The following HHAT variants were observed in gnomAD, a reference collection of about 807,000 sequenced individuals.
The protein encoded by HHAT is protein-cysteine N-palmitoyltransferase HHAT.
In HHAT, 47 loss-of-function variants were observed where a neutral mutation model predicts 70.8. The observed-to-expected ratio is 0.66, with a 90% CI of 0.53 to 0.85. The LOEUF is 0.85. Among genes scored for constraint, HHAT ranks in the 40% least tolerant of loss-of-function variants. HHAT has a pLI of 0.00. For synonymous variants in HHAT, 228 were observed against 247.6 expected, an observed-to-expected ratio of 0.92 and a Z score of 0.74; for missense variants, 609 against 604.8, an observed-to-expected ratio of 1.01 and a Z score of -0.07.
chr1:210,555,011 G>A (rs2095559601), intron 9 of HHAT, among the ~76,000 whole-genome samples: 2 of 152,106 alleles, frequency 1.3e-5, no homozygotes, highest in African/African-American at 4.8e-5. Context: ...CTGTATATTG[G>A]GCCTCCCGTG....
intron 7 of HHAT, among the ~76,000 whole-genome samples, chr1:210,424,701 T>C (rs1332300166): frequency 1.3e-5 from 2 of 152,192 alleles, no homozygotes; most frequent in Non-Finnish European, 2.9e-5. Flanking sequence ...TATGGCTGCA[T>C]AGTATTCCAT....
At chr1:210,358,885 A>G (rs1299962729) in intron 2 of HHAT, among the ~76,000 whole-genome samples, 1 of 152,184 alleles carries the variant, frequency 6.6e-6, no homozygotes, top group African/African-American at 2.4e-5. Flanking sequence ...GTTTTAAGTA[A>G]ATGGTTTACC....
rs765208750 is a variant in HHAT at position 210,675,705 on chromosome 1, T to G, written c.*1326T>G. 6.6e-6 allele frequency: 1 copy of G among 152,172 alleles called. No individual in the cohort carries two copies. The highest frequency in any genetic ancestry group is 1.5e-5 in the Non-Finnish European group (1 of 68,062). 9.4% of individuals were successfully genotyped at this position (152,172 alleles called of 1,614,324 possible). ...CTCCTAGAGTACAGGACCATTTTGT[T>G]GATTGTCTTTCTTCATAGCTTCTCT... On this transcript the variant is annotated 3_prime_UTR_variant, in exon 12 of 12. Transcript: ENST00000261458.
chr1:210,566,442 G>A (rs367745366), intron 9 of HHAT, among the ~76,000 whole-genome samples: 3 of 152,030 alleles, frequency 2.0e-5, no homozygotes, highest in Admixed American at 2.0e-4. Flanking sequence ...ATGAGAACAG[G>A]CATTCTTGTT....
chr1:210,374,000 G>A (rs987221015), intron 3 of HHAT, among the ~76,000 whole-genome samples: 8 of 152,318 alleles, frequency 5.3e-5, no homozygotes, highest in African/African-American at 1.2e-4. Flanking sequence ...CTTTTATCAT[G>A]CAAGTATTCA....
intron 7 of HHAT, among the ~76,000 whole-genome samples, chr1:210,436,759 C>T (rs540069993): frequency 6.6e-6 from 1 of 151,908 alleles, no homozygotes; most frequent in African/African-American, 2.4e-5. Context: ...ATTTATATTC[C>T]TCCTGCCTCC....
intron 10 of HHAT, among the ~76,000 whole-genome samples, chr1:210,606,296 T>C (rs1665417809): frequency 6.6e-6 from 1 of 152,214 alleles, no homozygotes; most frequent in Non-Finnish European, 1.5e-5. Flanking sequence ...CACACCATGG[T>C]AAGTGTGGCT....
chr1:210,357,744 C>T (rs1424316351), intron 2 of HHAT, among the ~76,000 whole-genome samples: 2 of 152,084 alleles, frequency 1.3e-5, no homozygotes, highest in African/African-American at 2.4e-5. Flanking sequence ...GGCGTGAACC[C>T]GGGAGGTGGA....
At chr1:210,653,743 A>G (rs1374299152) in intron 11 of HHAT, among the ~76,000 whole-genome samples, 1 of 152,112 alleles carries the variant, frequency 6.6e-6, no homozygotes, top group Non-Finnish European at 1.5e-5. Flanking sequence ...GGTCAAAAAG[A>G]GATTAAATTT....
intron 8 of HHAT, among the ~76,000 whole-genome samples, chr1:210,494,322 G>A (rs142403714): frequency 1.4e-4 from 21 of 152,232 alleles, no homozygotes; most frequent in African/African-American, 4.6e-4. Context: ...GGAGGCTATT[G>A]AAGTGGAAGT....
rs537966975 is a variant in HHAT at position 210,615,787 on chromosome 1, T to C, written c.1246-7739T>C. ...AACAGCAAATGTTGCTGCCTGATCG[T>C]TCCTCTGGAGGTTTCGTCTCAGAGG... On this transcript the variant is annotated intron_variant, in intron 10 of 11. Coordinates refer to ENST00000261458, the MANE Select transcript of HHAT (RefSeq NM_018194.6). 3.9e-5 allele frequency among the ~76,000 whole-genome samples: 6 copies of C among 152,360 alleles called. No homozygotes were observed. The East Asian group carries it at 9.7e-4, about 25-fold the overall frequency.
At chr1:210,398,693 C>CA (rs1342937246) in intron 4 of HHAT, among the ~76,000 whole-genome samples, 1 of 152,106 alleles carries the variant, frequency 6.6e-6, no homozygotes. Flanking sequence ...CACACATGCA[C>CA]AAAAAAGAAT....
intron 9 of HHAT, among the ~76,000 whole-genome samples, chr1:210,524,883 G>A (rs902519279): frequency 4.6e-5 from 7 of 152,042 alleles, no homozygotes; most frequent in African/African-American, 1.7e-4. Flanking sequence ...CTTTCTGCTT[G>A]CCTGGTGTGT....
At chr1:210,615,814 G>T (rs1356314680) in intron 10 of HHAT, among the ~76,000 whole-genome samples, 1 of 152,210 alleles carries the variant, frequency 6.6e-6, no homozygotes, top group Non-Finnish European at 1.5e-5. Context: ...TCTCAGAGGG[G>T]TACCTGGCCG....
At chr1:210,424,835 A>G (rs1397193568) in intron 7 of HHAT, among the ~76,000 whole-genome samples, 1 of 152,160 alleles carries the variant, frequency 6.6e-6, no homozygotes, top group Non-Finnish European at 1.5e-5. Flanking sequence ...TTGTAACAGC[A>G]CTATTTATAT....
At chr1:210,328,894 G>A, upstream of HHAT, 5 of 703,482 alleles carry the variant, frequency 7.1e-6, no homozygotes, top group Non-Finnish European at 9.9e-6. Flanking sequence ...CGGGCGCGGA[G>A]GGCGCGCGGG....
At chr1:210,546,995 G>T (rs2095489514) in intron 9 of HHAT, among the ~76,000 whole-genome samples, 1 of 152,130 alleles carries the variant, frequency 6.6e-6, no homozygotes, top group Admixed American at 6.5e-5. Flanking sequence ...GTCTCAGATG[G>T]CGTTAGTGGT....
chr1:210,557,919 A>G (rs148939085), intron 9 of HHAT, among the ~76,000 whole-genome samples: 280 of 152,284 alleles, frequency 1.8e-3, no homozygotes, highest in African/African-American at 6.5e-3. Flanking sequence ...GGAGCAGGCC[A>G]GAAGACACTG....
intron 11 of HHAT, among the ~76,000 whole-genome samples, chr1:210,650,016 T>C: frequency 6.6e-6 from 1 of 152,228 alleles, no homozygotes. Context: ...AGAACATTCT[T>C]GTCAGAGTTT....
Sources: gnomAD v4.1 joint callset for allele counts (sites outside exome capture counted in the v4.1 genomes callset) on GRCh38, gnomAD v4.1.1 for gene constraint, MANE v1.5 for transcripts, NCBI Gene and HGNC (gene_info 2026-07-23, HGNC 2026-07-21) for gene names.